The following AVEN variants were observed in gnomAD, a reference collection of about 807,000 sequenced individuals.
AVEN encodes the protein apoptosis and caspase activation inhibitor.
A neutral mutation model predicts 38.1 loss-of-function variants in AVEN; 41 were observed. The observed-to-expected ratio is 1.08, with a 90% confidence interval of 0.84 to 1.40. The LOEUF (loss-of-function observed/expected upper bound fraction) is 1.40. AVEN is among the 40% of genes most tolerant of loss of function. The pLI is 0.00. For missense variants in AVEN, 605 were observed against 438.8 expected (o/e 1.38, Z -3.38); for synonymous variants, 206 against 171.8 (o/e 1.20, Z -1.56).
chr15:34,014,170 C>G (rs1897762431), intron 1 of AVEN, among the ~76,000 whole-genome samples: 2 of 152,062 alleles, frequency 1.3e-5, no homozygotes, highest in South Asian at 4.1e-4. Flanking sequence ...TGAGACCAGC[C>G]TGGCCAACAT....
chr15:33,855,002 G>A (rs2153001566), downstream of AVEN: 2 of 1,274,960 alleles, frequency 1.6e-6, no homozygotes, highest in Non-Finnish European at 2.1e-6. Context: ...TGACAGGAAG[G>A]AATATGTCTT....
intron 11 of AVEN, chr15:33,859,755 T>G: frequency 6.3e-7 from 1 of 1,591,920 alleles, no homozygotes; most frequent in South Asian, 1.1e-5. Context: ...TTGTGTTGAG[T>G]ATGAACAGGG....
At position 34,063,370 on chromosome 15, in the gene AVEN, G is replaced by A. The variant is rs541902330; in HGVS notation, n.1189C>T. ...ACCATCCTCTACTGTCGAATCTACC[G>A]GGAAACAGAGAAGCGAACCAAGGAC... On this transcript the variant is annotated non_coding_transcript_exon_variant, in exon 5 of 12. Transcript: ENST00000675287. This position sits in a 1 kb window ranked among gnomAD's most constrained non-coding sequence, Gnocchi z 4.1. 1.9e-5 allele frequency: 31 copies of A among 1,614,038 alleles called. No individual in the cohort carries two copies. The African/African-American group carries it at 2.4e-4, about 12-fold the overall frequency.
At chr15:34,046,761 A>C (rs1462829870) in intron 5 of AVEN, 1 of 152,376 alleles carries the variant, frequency 6.6e-6, no homozygotes, top group Non-Finnish European at 1.5e-5. Context: ...TTTGGGACTA[A>C]TTGGGCAAAC....
At chr15:33,864,038 TG>T, downstream of AVEN, 1 of 797,570 alleles carries the variant, frequency 1.3e-6, no homozygotes, top group Non-Finnish European at 2.1e-6. Context: ...GTAGATAGCG[TG>T]GGACCAACTA....
chr15:33,875,652 C>G (rs1046818997), intron 3 of AVEN, among the ~76,000 whole-genome samples: 1 of 152,154 alleles, frequency 6.6e-6, no homozygotes, highest in Non-Finnish European at 1.5e-5. Flanking sequence ...GTAATCCACT[C>G]TGTCAAAATC....
chr15:33,894,474 T>A, intron 2 of AVEN, among the ~76,000 whole-genome samples: 1 of 141,076 alleles, frequency 7.1e-6, no homozygotes, highest in Non-Finnish European at 1.5e-5. Context: ...TTTAATAAAG[T>A]AGAAGAACAC....
intron 2 of AVEN, among the ~76,000 whole-genome samples, chr15:33,981,466 A>C (rs1045807284): frequency 6.6e-6 from 1 of 152,196 alleles, no homozygotes; most frequent in Non-Finnish European, 1.5e-5. Context: ...AGTAGCCAAA[A>C]GCTTTCTTCT....
At chr15:34,049,888 C>CTT (rs61235689) in intron 5 of AVEN, among the ~76,000 whole-genome samples, 6,176 of 137,080 alleles carry the variant, frequency 0.045, 208 homozygotes, top group Non-Finnish European at 0.059. Flanking sequence ...TCAACATCAA[C>CTT]TTTTTTTTTT....
intron 2 of AVEN, among the ~76,000 whole-genome samples, chr15:33,899,526 G>A (rs1009451762): frequency 1.5e-5 from 2 of 129,240 alleles, no homozygotes; most frequent in Non-Finnish European, 3.1e-5. Flanking sequence ...CTGGAGTGCA[G>A]TGGCGCCATC....
At chr15:33,967,925 A>T (rs1175066328) in intron 2 of AVEN, among the ~76,000 whole-genome samples, 1 of 150,614 alleles carries the variant, frequency 6.6e-6, no homozygotes, top group Non-Finnish European at 1.5e-5. Flanking sequence ...GTATAAAAAC[A>T]GGCATACATT....
At chr15:33,901,306 G>T (rs1355899186) in intron 2 of AVEN, among the ~76,000 whole-genome samples, 1 of 152,030 alleles carries the variant, frequency 6.6e-6, no homozygotes, top group African/African-American at 2.4e-5. Flanking sequence ...CCTTTCAAAA[G>T]GTATCATGCC....
upstream of AVEN, among the ~76,000 whole-genome samples, chr15:34,042,950 TCTAAGA>T (rs1233568946): frequency 6.6e-6 from 1 of 151,956 alleles, no homozygotes; most frequent in East Asian, 1.9e-4. Flanking sequence ...TAATTCCTAG[TCTAAGA>T]CTATGGATTG....
chr15:33,907,887 C>T (rs1487502660), intron 2 of AVEN, among the ~76,000 whole-genome samples: 1 of 151,260 alleles, frequency 6.6e-6, no homozygotes, highest in Non-Finnish European at 1.5e-5. Context: ...CTTTTATAAT[C>T]TTGGAGTGAA....
chr15:33,935,662 A>G (rs527493463), intron 2 of AVEN, among the ~76,000 whole-genome samples: 1 of 152,248 alleles, frequency 6.6e-6, no homozygotes, highest in African/African-American at 2.4e-5. Context: ...GTGCAAGAGA[A>G]AAAAGGTAGC....
intron 2 of AVEN, among the ~76,000 whole-genome samples, chr15:33,968,547 C>G (rs530287060): frequency 3.5e-4 from 53 of 152,212 alleles, no homozygotes; most frequent in African/African-American, 1.3e-3. Context: ...GCCGTACTTC[C>G]TTCTGGATTT....
intron 5 of AVEN, among the ~76,000 whole-genome samples, chr15:34,056,151 G>C (rs1900140402): frequency 6.6e-6 from 1 of 152,226 alleles, no homozygotes; most frequent in Admixed American, 6.5e-5. Flanking sequence ...ATAGAAGAAA[G>C]TTGAGGGCTA....
intron 11 of AVEN, chr15:33,859,564 T>G (rs1353578362): frequency 1.9e-6 from 3 of 1,613,496 alleles, no homozygotes; most frequent in East Asian, 2.2e-5. Context: ...CCCCTTATTT[T>G]TCTTCTCTAG....
the AVEN span, chr15:33,853,545 T>C: frequency 2.5e-6 from 4 of 1,612,788 alleles, no homozygotes; most frequent in South Asian, 2.2e-5. Flanking sequence ...CCTGTCATCC[T>C]TTGCTTCAGG....
Sources: allele counts gnomAD v4.1 joint callset (sites outside exome capture counted in the v4.1 genomes callset), GRCh38; gene constraint gnomAD v4.1.1; non-coding constraint Gnocchi (gnomAD v3.1); transcripts MANE v1.5; gene names NCBI Gene and HGNC (gene_info 2026-07-23, HGNC 2026-07-21).